The following KAT6B variants were observed in gnomAD, a reference collection of about 807,000 sequenced individuals.
KAT6B encodes histone acetyltransferase KAT6B.
Under a neutral mutation model 187.5 loss-of-function variants are expected in KAT6B, and 10 were observed. That is an observed-to-expected ratio of 0.05 (90% CI 0.03 to 0.09). The LOEUF is 0.09. KAT6B is among the 10% of genes least tolerant of loss of function. The pLI, the probability that KAT6B is intolerant of heterozygous loss-of-function variation, is 1.00. For synonymous variants in KAT6B, 861 were observed against 926.8 expected, an observed-to-expected ratio of 0.93 and a Z score of 1.29; for missense variants, 1,952 against 2,558.9, an observed-to-expected ratio of 0.76 and a Z score of 5.12.
intron 3 of KAT6B, among the ~76,000 whole-genome samples, chr10:74,940,051 A>C (rs1452043353): frequency 6.6e-6 from 1 of 152,068 alleles, no homozygotes; most frequent in Non-Finnish European, 1.5e-5. Context: ...GCTATTAATG[A>C]AAGTGTCTTA....
intron 13 of KAT6B, among the ~76,000 whole-genome samples, chr10:75,013,136 C>T (rs1844730125): frequency 6.6e-6 from 1 of 152,146 alleles, no homozygotes; most frequent in African/African-American, 2.4e-5. Context: ...CAGAGACACA[C>T]TTGAGTCTTG....
At chr10:74,903,349 G>A (rs1368932910) in intron 3 of KAT6B, among the ~76,000 whole-genome samples, 2 of 152,194 alleles carry the variant, frequency 1.3e-5, no homozygotes, top group Non-Finnish European at 2.9e-5. Context: ...GACTATCCAG[G>A]TGGGCTGATC....
chr10:74,898,359 T>A (rs934534955), intron 3 of KAT6B, among the ~76,000 whole-genome samples: 2 of 152,202 alleles, frequency 1.3e-5, no homozygotes, highest in Non-Finnish European at 2.9e-5. Flanking sequence ...ATGACTAAGA[T>A]CATGTTTGCA....
chr10:75,026,667 A>G (rs1263232356), intron 17 of KAT6B, among the ~76,000 whole-genome samples: 1 of 151,904 alleles, frequency 6.6e-6, no homozygotes, highest in African/African-American at 2.4e-5. Context: ...GCAGTGAGCG[A>G]TCATTTTGTG....
intron 3 of KAT6B, among the ~76,000 whole-genome samples, chr10:74,946,054 A>G (rs573421116): frequency 1.3e-5 from 2 of 152,312 alleles, no homozygotes; most frequent in South Asian, 4.1e-4. Context: ...TCACCGCTAA[A>G]GTCATCTGGG....
intron 4 of KAT6B, among the ~76,000 whole-genome samples, chr10:74,967,908 G>A (rs536292659): frequency 2.5e-4 from 38 of 152,318 alleles, no homozygotes; most frequent in African/African-American, 7.9e-4. Flanking sequence ...AGATTTGAAT[G>A]TAGAGAAAAA....
intron 4 of KAT6B, among the ~76,000 whole-genome samples, chr10:74,965,851 G>T (rs1016364358): frequency 1.3e-5 from 2 of 150,848 alleles, no homozygotes; most frequent in Admixed American, 1.3e-4. Flanking sequence ...TCAGCCTCCC[G>T]AGTAGCTGGG....
At chr10:75,013,101 G>T (rs1367140410) in intron 13 of KAT6B, among the ~76,000 whole-genome samples, 4 of 152,088 alleles carry the variant, frequency 2.6e-5, no homozygotes, top group Non-Finnish European at 2.9e-5. Context: ...CATGCTCAGG[G>T]TTTCACTGGG....
intron 1 of KAT6B, among the ~76,000 whole-genome samples, chr10:74,830,764 A>ATGTG (rs57770234): frequency 3.7e-5 from 1 of 26,948 alleles, no homozygotes; most frequent in South Asian, 2.0e-3. Context: ...ATATATATAT[A>ATGTG]TATATTTTTT....
intron 3 of KAT6B, among the ~76,000 whole-genome samples, chr10:74,932,004 G>A (rs992567231): frequency 6.6e-6 from 1 of 152,176 alleles, no homozygotes; most frequent in Non-Finnish European, 1.5e-5. Flanking sequence ...GAGCCACCAC[G>A]CCCGGCTGAA....
intron 3 of KAT6B, among the ~76,000 whole-genome samples, chr10:74,878,967 G>A (rs1281973516): frequency 6.6e-6 from 1 of 152,176 alleles, no homozygotes; most frequent in Non-Finnish European, 1.5e-5. Context: ...AAAGTGCCAA[G>A]GGTAACAGCG....
intron 1 of KAT6B, among the ~76,000 whole-genome samples, chr10:74,833,100 A>G (rs1840996232): frequency 7.2e-6 from 1 of 138,110 alleles, no homozygotes; most frequent in Non-Finnish European, 1.5e-5. Context: ...ACGCCATTGC[A>G]CTCCAGCCTG....
chr10:74,954,084 C>A (rs1431036412), intron 3 of KAT6B, among the ~76,000 whole-genome samples: 1 of 152,098 alleles, frequency 6.6e-6, no homozygotes, highest in Non-Finnish European at 1.5e-5. Flanking sequence ...CTGGAAGGAA[C>A]CTTTGAAGAG....
rs773702710 is a variant in KAT6B at position 75,030,263 on chromosome 10, C to T, written c.5439C>T (p.Ala1813=). The T allele has an allele frequency of 2.5e-6, 4 of 1,614,268 alleles. No homozygotes were observed. The South Asian group carries it at 4.4e-5, about 18-fold the overall frequency. ...FGAGHYPQPS[A]TFSLAKLQQL... is the part of the protein sequence containing the mutation. Reference sequence around the variant, plus strand: ...CTGGGCATTACCCGCAGCCGTCAGCCACCTTCAGCCTTGCCAAACTGCAGC... The same window carrying T: ...CTGGGCATTACCCGCAGCCGTCAGCTACCTTCAGCCTTGCCAAACTGCAGC... The change falls in exon 18 of 18, where the codon GCC becomes GCT. Residue 1813 remains alanine, a synonymous_variant. Coordinates refer to ENST00000287239, the MANE Select transcript of KAT6B (RefSeq NM_012330.4). This position sits in a 1 kb window ranked among gnomAD's most constrained non-coding sequence, Gnocchi z 4.8.
chr10:74,851,535 A>C (rs1380835514), intron 3 of KAT6B, among the ~76,000 whole-genome samples: 1 of 151,900 alleles, frequency 6.6e-6, no homozygotes, highest in African/African-American at 2.4e-5. Flanking sequence ...GTTTCACCAT[A>C]TTGGCCAGGA....
intron 3 of KAT6B, among the ~76,000 whole-genome samples, chr10:74,956,741 A>G (rs1840719611): frequency 6.6e-6 from 1 of 152,220 alleles, no homozygotes; most frequent in Non-Finnish European, 1.5e-5. Flanking sequence ...TAAGATGATT[A>G]AATGAGATAG....
intron 1 of KAT6B, among the ~76,000 whole-genome samples, chr10:74,830,662 C>G (rs1424897034): frequency 7.8e-6 from 1 of 127,468 alleles, no homozygotes; most frequent in Non-Finnish European, 1.6e-5. Context: ...GCCTTTTTAG[C>G]TTTTATGATT....
chr10:74,828,858 C>T (rs1345493142), intron 1 of KAT6B, among the ~76,000 whole-genome samples: 1 of 152,074 alleles, frequency 6.6e-6, no homozygotes, highest in African/African-American at 2.4e-5. Context: ...TGAGCCACCG[C>T]GCCCGGCCAT....
chr10:74,859,859 T>C (rs1843056924), intron 3 of KAT6B, among the ~76,000 whole-genome samples: 1 of 152,164 alleles, frequency 6.6e-6, no homozygotes, highest in Non-Finnish European at 1.5e-5. Context: ...TTGTGTAATA[T>C]CTTGATTTCA....
Sources: gnomAD v4.1 joint callset for allele counts (sites outside exome capture counted in the v4.1 genomes callset) on GRCh38, gnomAD v4.1.1 for gene constraint, Gnocchi (gnomAD v3.1) non-coding constraint, MANE v1.5 for transcripts, NCBI Gene and HGNC (gene_info 2026-07-23, HGNC 2026-07-21) for gene names.